The following SH3BP5 variants were observed in gnomAD, a reference collection of about 807,000 sequenced individuals.
The protein encoded by SH3BP5 is SH3 domain-binding protein 5.
Under a neutral mutation model 43.3 loss-of-function variants are expected in SH3BP5, and 22 were observed. The observed-to-expected ratio is 0.51, with a 90% CI of 0.36 to 0.73. SH3BP5 has a LOEUF of 0.73. Among genes scored for constraint, SH3BP5 ranks in the 30% least tolerant of loss-of-function variants. The probability of loss-of-function intolerance (pLI) is 0.00; values close to 1 mark genes in which losing one functional copy is unlikely to be tolerated. For missense variants in SH3BP5, 529 were observed against 586.9 expected, an observed-to-expected ratio of 0.90 and a Z score of 1.02; for synonymous variants, 255 against 225.8, an observed-to-expected ratio of 1.13 and a Z score of -1.16.
chr3:15,322,744 A>C (rs1414131340), intron 2 of SH3BP5, among the ~76,000 whole-genome samples: 3 of 152,162 alleles, frequency 2.0e-5, no homozygotes, highest in Non-Finnish European at 4.4e-5. Flanking sequence ...CTGAGGTGGG[A>C]GGATCACTTG....
At position 15,284,162 on chromosome 3, in the gene SH3BP5, C is replaced by G. The variant is rs140323359; in HGVS notation, c.331-14285G>C. On this transcript the variant is annotated intron_variant, in intron 3 of 8. Coordinates refer to ENST00000383791, the MANE Select transcript of SH3BP5 (RefSeq NM_004844.5). Reference sequence around the variant, plus strand: ...TCTGGCCGTGCTTAAGTAAGCTTCACTGAAGCTTACAAGACTGACTCTCTA... The same window carrying G: ...TCTGGCCGTGCTTAAGTAAGCTTCAGTGAAGCTTACAAGACTGACTCTCTA... 2.3e-3 allele frequency among the ~76,000 whole-genome samples: 351 copies of G among 152,296 alleles called. 1 individual carries two copies. Among genetic ancestry groups the G allele is most frequent in the Non-Finnish European group, 4.0e-3 (269 of 68,018 alleles).
rs367946420 is a variant in SH3BP5, at chr3:15,312,110, T to A, written c.202-7879A>T. On this transcript the variant is annotated intron_variant, in intron 2 of 8. Coordinates refer to ENST00000383791, the MANE Select transcript of SH3BP5 (RefSeq NM_004844.5). ...TCTGCAAGATGGAAGCCATTTTCAT[T>A]AATAAAGACTTGCCATTTTCACTGT... Among the ~76,000 whole-genome samples the A allele has an allele frequency of 1.2e-4, 18 of 152,272 alleles. No individual in the cohort carries two copies. The East Asian group carries it at 1.9e-3, about 16-fold the overall frequency.
intron 3 of SH3BP5, 109 bp downstream of exon 3, chr3:15,303,994 T>C: frequency 2.3e-6 from 2 of 856,432 alleles, no homozygotes; most frequent in South Asian, 1.5e-5. Context: ...ATTTAAGACA[T>C]ATTGGACTCG....
intron 5 of SH3BP5, among the ~76,000 whole-genome samples, chr3:15,261,050 T>G (rs1269011126): frequency 6.6e-6 from 1 of 152,180 alleles, no homozygotes; most frequent in Non-Finnish European, 1.5e-5. Context: ...GGTGTTGGCA[T>G]GTGGATGATG....
At chr3:15,263,941 C>T (rs1371292797) in intron 4 of SH3BP5, among the ~76,000 whole-genome samples, 1 of 152,190 alleles carries the variant, frequency 6.6e-6, no homozygotes, top group Non-Finnish European at 1.5e-5. Flanking sequence ...CCAGAGGGCT[C>T]ATGGTCACTA....
chr3:15,337,071 T>TA (rs1698708299), upstream of SH3BP5, among the ~76,000 whole-genome samples: 1 of 150,486 alleles, frequency 6.6e-6, no homozygotes, highest in African/African-American at 2.4e-5. Flanking sequence ...GAGTTGGGGT[T>TA]TTTTTTAGTT....
At chr3:15,259,317 G>T (rs1036598139) in intron 6 of SH3BP5, 1 of 559,520 alleles carries the variant, frequency 1.8e-6, no homozygotes, top group African/African-American at 1.9e-5. Context: ...AAGCAAAAAT[G>T]GGCATCAGAC....
intron 5 of SH3BP5, among the ~76,000 whole-genome samples, chr3:15,261,112 C>T (rs755330908): frequency 1.2e-4 from 19 of 152,234 alleles, no homozygotes; most frequent in Non-Finnish European, 2.6e-4. Flanking sequence ...TCGCCACCTC[C>T]TGCCTCCCCT....
chr3:15,258,812 A>C lies in SH3BP5; in HGVS notation c.889+19T>G, dbSNP rs770294967. 6.3e-7 allele frequency: 1 copy of C among 1,593,528 alleles called. No homozygotes were observed. The highest frequency in any genetic ancestry group is 8.6e-7 in the Non-Finnish European group (1 of 1,162,140). On this transcript the variant is annotated intron_variant, in intron 7 of 8. Coordinates refer to ENST00000383791, the MANE Select transcript of SH3BP5 (RefSeq NM_004844.5). ...CAGTCTGATATCTCCCCACATACCCAGTGGAGCCCCTGACTTACCAGAAAT... is the reference window on the plus strand; with the variant it reads ...CAGTCTGATATCTCCCCACATACCCCGTGGAGCCCCTGACTTACCAGAAAT...
chr3:15,260,631 T>G (rs1272398718), intron 5 of SH3BP5: 1 of 152,106 alleles, frequency 6.6e-6, no homozygotes, highest in East Asian at 1.9e-4. Context: ...GTGTATAAGC[T>G]CTCTCGTGTG....
chr3:15,305,513 C>T (rs746233411), intron 2 of SH3BP5, among the ~76,000 whole-genome samples: 4 of 152,282 alleles, frequency 2.6e-5, no homozygotes, highest in Non-Finnish European at 4.4e-5. Flanking sequence ...ATGGTCCAGT[C>T]GCCATGGAAC....
chr3:15,262,429 G>A (rs1696482540), intron 4 of SH3BP5, 140 bp from the exon 5 acceptor site: 2 of 1,014,982 alleles, frequency 2.0e-6, no homozygotes, highest in South Asian at 1.7e-5. Flanking sequence ...GGAGGCCAAG[G>A]TGGGTGGATC....
At chr3:15,273,039 TGGGAACGAGAGGAAGCAGA>T in intron 3 of SH3BP5, 1 of 732,774 alleles carries the variant, frequency 1.4e-6, no homozygotes, top group Non-Finnish European at 1.7e-6. Flanking sequence ...GCCAAGCTGC[TGGGAACGAGAGGAAGCAGA>T]GGGAACCTGT....
chr3:15,312,756 G>A (rs896892428), intron 2 of SH3BP5, among the ~76,000 whole-genome samples: 2 of 152,180 alleles, frequency 1.3e-5, no homozygotes, highest in African/African-American at 4.8e-5. Context: ...CTTCCGTAAA[G>A]AGGGGAATCT....
intron 2 of SH3BP5, among the ~76,000 whole-genome samples, chr3:15,329,085 A>G (rs1698535341): frequency 6.6e-6 from 1 of 152,016 alleles, no homozygotes; most frequent in Admixed American, 6.6e-5. Flanking sequence ...AGGAGGTGGA[A>G]GTTGCAGTGA....
chr3:15,300,100 T>C (rs148637240), intron 3 of SH3BP5, among the ~76,000 whole-genome samples: 4 of 152,204 alleles, frequency 2.6e-5, no homozygotes, highest in African/African-American at 9.6e-5. Context: ...AAGTGGAAAA[T>C]GCATTGATAC....
chr3:15,254,493 A>G lies in SH3BP5; in HGVS notation c.*1593T>C, dbSNP rs1696123321. ...TCCCTCGGGGAGCTTTTAAAAGTCT[A>G]ATGCCCCAGTGTACCCCCCCCAGTT... is the stretch of plus-strand genomic sequence containing the variant. On this transcript the variant is annotated 3_prime_UTR_variant, in exon 9 of 9. Transcript: ENST00000383791. The G allele has an allele frequency of 6.7e-6, 1 of 149,574 alleles. No homozygotes were observed. The allele number at this position is 149,574 out of a possible 1,614,324, so 9.3% of individuals were successfully genotyped here. A position where few individuals can be genotyped will look rare whatever the true frequency, so the allele number is the denominator to read the frequency against.
At chr3:15,290,569 C>T (rs1697386498) in intron 3 of SH3BP5, among the ~76,000 whole-genome samples, 1 of 148,634 alleles carries the variant, frequency 6.7e-6, no homozygotes, top group African/African-American at 2.5e-5. Context: ...TATGGTGGCA[C>T]ACACTCATAA....
rs375371988 is a variant in SH3BP5, at chr3:15,301,606, G to A, written c.330+2497C>T. ...AGTTAACCATTTTAAATGTTAGCCT[G>A]AGAAGGCCTCATGGATAAAGGGATA... On this transcript the variant is annotated intron_variant, in intron 3 of 8. Coordinates refer to ENST00000383791, the MANE Select transcript of SH3BP5 (RefSeq NM_004844.5). 7.9e-5 allele frequency among the ~76,000 whole-genome samples: 12 copies of A among 152,252 alleles called. 2 individuals carry two copies. The highest frequency in any genetic ancestry group is 1.9e-4 in the East Asian group (1 of 5,188).
Sources: allele counts gnomAD v4.1 joint callset (sites outside exome capture counted in the v4.1 genomes callset), GRCh38; gene constraint gnomAD v4.1.1; transcripts MANE v1.5; gene names NCBI Gene and HGNC (gene_info 2026-07-23, HGNC 2026-07-21).